The following PRKDC variants were observed in gnomAD, a reference collection of about 807,000 sequenced individuals.
PRKDC encodes the protein DNA-dependent protein kinase catalytic subunit.
A neutral mutation model predicts 486.9 loss-of-function variants in PRKDC; 82 were observed. That is an observed-to-expected ratio of 0.17 (90% confidence interval 0.14 to 0.20). The LOEUF is 0.20. PRKDC is among the 10% of genes least tolerant of loss of function. The pLI, the probability that PRKDC is intolerant of heterozygous loss-of-function variation, is 1.00. For synonymous variants in PRKDC, 1,895 were observed against 1,837.0 expected (o/e 1.03, Z -0.81); for missense variants, 4,504 against 5,038.2 (o/e 0.89, Z 3.21).
intron 36 of PRKDC, 110 bp from the exon 37 acceptor site, chr8:47,882,207 T>C (rs1427335786): frequency 2.0e-6 from 2 of 1,015,586 alleles, no homozygotes; most frequent in Non-Finnish European, 1.4e-6. Context: ...AAGCTATTTC[T>C]ATAATAGATG....
At chr8:47,870,238 G>C (rs2088918860) in intron 40 of PRKDC, among the ~76,000 whole-genome samples, 1 of 152,058 alleles carries the variant, frequency 6.6e-6, no homozygotes, top group Admixed American at 6.6e-5. Context: ...GAGACCCAGT[G>C]CTGTGCTGTG....
chr8:47,821,868 T>C, intron 64 of PRKDC, 76 bp from the exon 65 acceptor site: 1 of 1,253,632 alleles, frequency 8.0e-7, no homozygotes, highest in Non-Finnish European at 1.1e-6. Context: ...AAAGGAGGAA[T>C]GTAACAATCA....
intron 1 of PRKDC, among the ~76,000 whole-genome samples, chr8:47,958,591 C>G (rs1035464491): frequency 1.3e-5 from 2 of 152,154 alleles, no homozygotes; most frequent in African/African-American, 4.8e-5. Context: ...AAACAAGTTA[C>G]TAAACGAACA....
At chr8:47,940,898 C>T (rs943954994) in intron 10 of PRKDC, among the ~76,000 whole-genome samples, 1 of 152,180 alleles carries the variant, frequency 6.6e-6, no homozygotes, top group African/African-American at 2.4e-5. Flanking sequence ...CATCCCAGCC[C>T]TTTGGGAGGC....
chr8:47,894,154 G>A (rs980474322), intron 30 of PRKDC, among the ~76,000 whole-genome samples: 1 of 152,008 alleles, frequency 6.6e-6, no homozygotes, highest in African/African-American at 2.4e-5. Flanking sequence ...GGTGGTGCGC[G>A]CCTGTGGTCT....
rs186552625 is a variant in PRKDC, at chr8:47,907,627, C to A, written c.2935-2651G>T. Among the ~76,000 whole-genome samples, 4 of 149,526 alleles carry A rather than the reference C, an allele frequency of 2.7e-5. No individual in the cohort carries two copies. The East Asian group carries it at 8.0e-4, about 30-fold the overall frequency. Reference sequence around the variant, plus strand: ...TGGGCTCACTGCGACCTCTGACTCCCGGGTTCAAGTGATTCTCCTGTCTCA... The same window carrying A: ...TGGGCTCACTGCGACCTCTGACTCCAGGGTTCAAGTGATTCTCCTGTCTCA... On this transcript the variant is annotated intron_variant, in intron 25 of 85. Coordinates refer to ENST00000314191, the MANE Select transcript of PRKDC (RefSeq NM_006904.7).
In PRKDC at chr8:47,834,224, T is replaced by C. The variant is rs888114423; in HGVS notation, c.8124A>G (p.Pro2708=). ...TCACTTTGTTATCCACCTCGTCCCC[T>C]GGAAGGCCCAGCCTTTTTTTCCCAA... ...PDFGKKRLGL[P]GDEVDNKVKG... is the part of the protein sequence containing the mutation. Residue 2708 remains proline (P), a synonymous_variant, in exon 59 of 86, where the codon CCA becomes CCG. Transcript: ENST00000314191. 1.2e-5 allele frequency: 19 copies of C among 1,613,938 alleles called. No homozygotes were observed. The highest frequency in any genetic ancestry group is 1.6e-4 in the Middle Eastern group (1 of 6,084).
intron 59 of PRKDC, 23 bp downstream of exon 59, chr8:47,834,173 G>A: frequency 6.2e-7 from 1 of 1,613,588 alleles, no homozygotes; most frequent in Non-Finnish European, 8.5e-7. Context: ...GCTATTTTAA[G>A]CACACTCAGC....
At chr8:47,809,323 T>C (rs915508271) in intron 68 of PRKDC, among the ~76,000 whole-genome samples, 1 of 152,198 alleles carries the variant, frequency 6.6e-6, no homozygotes, top group Non-Finnish European at 1.5e-5. Flanking sequence ...GCTCATTCCC[T>C]AAAGCTACCA....
intron 66 of PRKDC, among the ~76,000 whole-genome samples, chr8:47,819,809 TA>T (rs1306350680): frequency 3.0e-4 from 45 of 152,222 alleles, no homozygotes; most frequent in African/African-American, 9.4e-4. Context: ...TCCTATAATG[TA>T]AAACTGCTGA....
chr8:47,870,521 G>C (rs776909961), intron 40 of PRKDC, among the ~76,000 whole-genome samples: 1 of 152,178 alleles, frequency 6.6e-6, no homozygotes, highest in African/African-American at 2.4e-5. Context: ...GACTTAGGGT[G>C]GCCCCTAAAG....
At chr8:47,929,703 G>T in intron 18 of PRKDC, 150 bp downstream of exon 18, 1 of 857,918 alleles carries the variant, frequency 1.2e-6, no homozygotes, top group Non-Finnish European at 1.7e-6. Context: ...CTATCCAACT[G>T]CCATTCACAT....
chr8:47,957,624 TC>T (rs2090728525), intron 1 of PRKDC, among the ~76,000 whole-genome samples, 193 bp from the exon 2 acceptor site: 1 of 94,204 alleles, frequency 1.1e-5, no homozygotes, highest in Admixed American at 9.3e-5. Context: ...CATTCTCCTA[TC>T]TCAGCCTCCC....
intron 55 of PRKDC, among the ~76,000 whole-genome samples, chr8:47,839,584 T>C (rs932385671): frequency 6.6e-5 from 10 of 152,304 alleles, no homozygotes; most frequent in African/African-American, 2.4e-4. Flanking sequence ...ACTATGAAAA[T>C]AGGTTTTATA....
chr8:47,780,548 A>G lies in PRKDC; in HGVS notation c.11490-1455T>C, dbSNP rs142759310. On this transcript the variant is annotated intron_variant, in intron 80 of 85. Transcript: ENST00000314191. ...TAGCAATTCAATCACTTCAGGTGAA[A>G]TCTTTTCTGAGTTGCTATTAAAGTT... is the stretch of plus-strand genomic sequence containing the variant. 2.6e-5 allele frequency among the ~76,000 whole-genome samples: 4 copies of G among 152,348 alleles called. No homozygotes were observed. The East Asian group carries it at 7.7e-4, about 29-fold the overall frequency.
rs2087093683 is a variant in PRKDC at position 47,800,911 on chromosome 8, G to A, written c.9998C>T (p.Thr3333Ile). Reference protein sequence around the residue: ...FRDQNILLGTTYRIIANALSS... With the variant: ...FRDQNILLGTIYRIIANALSS... The stretch of plus-strand genomic sequence containing the variant: ...GAGAGCATTCGCTATGATCCTGTAA[G>A]TTGTACCCAAGAGAATGTTCTGGTC... The change falls in exon 71 of 86, where the codon ACT (threonine) becomes ATT (isoleucine). Residue 3333 changes from threonine (T) to isoleucine (I), a missense_variant. By Grantham distance (89) the Thr-to-Ile change is moderately conservative (BLOSUM62 -1). Around this residue, in one of 6 missense-constraint regions of PRKDC, gnomAD observed 1,592 missense variants for 1,724.6 expected, o/e 0.92. Transcript: ENST00000314191. 6.2e-7 allele frequency: 1 copy of A among 1,613,812 alleles called. No homozygotes were observed. The highest frequency in any genetic ancestry group is 1.3e-5 in the African/African-American group (1 of 74,920).
intron 40 of PRKDC, 39 bp from the exon 41 acceptor site, chr8:47,864,802 T>C: frequency 1.4e-6 from 2 of 1,478,688 alleles, no homozygotes; most frequent in Non-Finnish European, 1.8e-6. Context: ...CATCCCTGCT[T>C]TGAAGAGGAA....
chr8:47,946,200 G>A (rs964884001), intron 7 of PRKDC, among the ~76,000 whole-genome samples: 11 of 151,892 alleles, frequency 7.2e-5, no homozygotes, highest in African/African-American at 2.4e-4. Context: ...GTGTGGTGGC[G>A]CATACCGGTA....
intron 48 of PRKDC, among the ~76,000 whole-genome samples, chr8:47,857,850 G>A (rs1365627574): frequency 6.6e-6 from 1 of 152,144 alleles, no homozygotes; most frequent in East Asian, 1.9e-4. Context: ...CAAGTGGATG[G>A]TGTCACCCCA....
Sources: allele counts gnomAD v4.1 joint callset (sites outside exome capture counted in the v4.1 genomes callset), GRCh38; gene constraint gnomAD v4.1.1; regional missense constraint gnomAD v4.1.1; transcripts MANE v1.5; gene names NCBI Gene and HGNC (gene_info 2026-07-23, HGNC 2026-07-21).